ZNF16: variants seen among roughly 807,000 people sequenced by gnomAD.
The protein encoded by ZNF16 is zinc finger protein 16.
ZNF16 carries 7 observed loss-of-function variants against 9.0 expected under a neutral mutation model. The observed-to-expected ratio is 0.78, with a 90% CI of 0.44 to 1.47. ZNF16 has a LOEUF of 1.47. Ranked by LOEUF, ZNF16 falls within the 40% of genes most tolerant of loss-of-function variation. ZNF16 has a pLI of 0.01. For synonymous variants in ZNF16, 312 were observed against 301.5 expected, an observed-to-expected ratio of 1.03 and a Z score of -0.36; for missense variants, 830 against 854.2, an observed-to-expected ratio of 0.97 and a Z score of 0.35.
chr8:144,937,583 A>C (rs1368067071), intron 2 of ZNF16, among the ~76,000 whole-genome samples: 2 of 152,158 alleles, frequency 1.3e-5, no homozygotes, highest in Non-Finnish European at 2.9e-5. Context: ...ATTTACCCCT[A>C]CACTTTCTTC....
intron 2 of ZNF16, among the ~76,000 whole-genome samples, chr8:144,941,264 C>T (rs558767595): frequency 6.6e-6 from 1 of 152,076 alleles, no homozygotes; most frequent in African/African-American, 2.4e-5. Flanking sequence ...TGTGTATCTG[C>T]TTATAATTGC....
intron 2 of ZNF16, among the ~76,000 whole-genome samples, chr8:144,942,719 T>C (rs1833835099): frequency 1.3e-5 from 2 of 152,100 alleles, no homozygotes; most frequent in South Asian, 4.1e-4. Flanking sequence ...ACCCCCCTTA[T>C]GTTGTTGTCA....
intron 2 of ZNF16, among the ~76,000 whole-genome samples, chr8:144,934,714 T>C (rs759412171): frequency 2.0e-4 from 30 of 152,086 alleles, no homozygotes; most frequent in Non-Finnish European, 3.8e-4. Flanking sequence ...TGTGGAGAAG[T>C]GACCCAAGGA....
At position 144,931,293 on chromosome 8, in the gene ZNF16, G is replaced by A. The variant is rs748258433; in HGVS notation, c.1494C>T (p.Phe498=). 4.3e-6 allele frequency: 7 copies of A among 1,614,204 alleles called. 1 individual carries two copies. In the South Asian group the frequency reaches 7.7e-5, roughly 18 times the overall value. The change falls in exon 3 of 3, where the codon TTC becomes TTT. Residue 498 remains phenylalanine (F), a synonymous_variant. Transcript: ENST00000394909. ...PYRCSVCGKA[F]SHSSALIQHQ... ...GCTGAATGAGGGCTGAGCTGTGGCT[G>A]AAGGCCTTCCCACAGACACTGCATC...
intron 1 of ZNF16, among the ~76,000 whole-genome samples, chr8:144,949,490 T>C (rs911079122): frequency 6.6e-6 from 1 of 152,208 alleles, no homozygotes; most frequent in Non-Finnish European, 1.5e-5. Context: ...TGTGTCTGTG[T>C]AGAAAAGGAA....
Position 144,932,523 on chromosome 8 carries a change from T to A in ZNF16, c.264A>T (p.Ser88=), listed in dbSNP as rs369415357. ...HKEDIHEDLE[S]QAEISENYAG... is the part of the protein sequence containing the mutation. ...CATAGTTTTCTGATATTTCTGCCTG[T>A]GATTCCAAATCTTCATGAATGTCTT... Residue 88 remains serine, a synonymous_variant, in exon 3 of 3, where the codon TCA becomes TCT. Coordinates refer to ENST00000394909, the MANE Select transcript of ZNF16 (RefSeq NM_006958.3). The surrounding 1 kb of genome is among the most constrained non-coding windows in gnomAD (Gnocchi z 5.0). The A allele has an allele frequency of 1.2e-6, 2 of 1,614,244 alleles. No homozygotes were observed. Among genetic ancestry groups the A allele is most frequent in the African/African-American group, 2.7e-5 (2 of 75,058 alleles).
intron 2 of ZNF16, among the ~76,000 whole-genome samples, chr8:144,942,533 C>T (rs2130037132): frequency 6.6e-6 from 1 of 152,252 alleles, no homozygotes; most frequent in African/African-American, 2.4e-5. Flanking sequence ...GGTGATCTGC[C>T]TGCCTTGGCC....
intron 2 of ZNF16, among the ~76,000 whole-genome samples, chr8:144,939,595 CAAAAAAAAAA>C (rs58274217): frequency 3.5e-5 from 2 of 57,412 alleles, no homozygotes; most frequent in Non-Finnish European, 7.0e-5. Context: ...GACTCCGTCT[CAAAAAAAAAA>C]AAAAAAAAAA....
In ZNF16 at chr8:144,932,044, T is replaced by A; in HGVS notation, c.743A>T (p.Gln248Leu). ...ATGACGGTTTTTAAGAACTGAGTTCTGGCTGAAGGTTTTCCCACAATCATC... is the reference window on the plus strand; with the variant it reads ...ATGACGGTTTTTAAGAACTGAGTTCAGGCTGAAGGTTTTCCCACAATCATC... ...MCDDCGKTFS[Q>L]NSVLKNRHRS... Residue 248 changes from glutamine to leucine, a missense_variant, in exon 3 of 3, where the codon CAG becomes CTG. Gln to Leu is a moderately radical substitution (Grantham distance 113, BLOSUM62 -2). Transcript: ENST00000394909. This position sits in a 1 kb window ranked among gnomAD's most constrained non-coding sequence, Gnocchi z 5.0. 6.2e-7 allele frequency: 1 copy of A among 1,614,190 alleles called. No individual in the cohort carries two copies. Among genetic ancestry groups the A allele is most frequent in the Non-Finnish European group, 8.5e-7 (1 of 1,180,020 alleles).
intron 1 of ZNF16, among the ~76,000 whole-genome samples, chr8:144,947,073 C>T (rs1419852493): frequency 1.5e-4 from 19 of 123,572 alleles, no homozygotes; most frequent in African/African-American, 6.2e-4. Context: ...TGGGCCTGTA[C>T]CCTACTGTGG....
chr8:144,937,210 G>C lies in ZNF16; in HGVS notation c.197-4620C>G, dbSNP rs200916813. On this transcript the variant is annotated intron_variant, in intron 2 of 2. Transcript: ENST00000394909. Reference sequence around the variant, plus strand: ...CATCCAGGCTGGAGTACACTGGTGCGATCTTGGCTCACTGCAACCTCTGCC... The same window carrying C: ...CATCCAGGCTGGAGTACACTGGTGCCATCTTGGCTCACTGCAACCTCTGCC... Among the ~76,000 whole-genome samples, 420 of 141,218 alleles carry C rather than the reference G, an allele frequency of 3.0e-3. 8 individuals are homozygous for C. Among genetic ancestry groups the C allele is most frequent in the East Asian group, 0.015 (70 of 4,796 alleles). 92.6% of individuals were successfully genotyped at this position (141,218 alleles called of 152,430 possible).
intron 2 of ZNF16, among the ~76,000 whole-genome samples, chr8:144,943,316 G>A (rs758741847): frequency 6.6e-6 from 1 of 152,120 alleles, no homozygotes; most frequent in Non-Finnish European, 1.5e-5. Flanking sequence ...GAGACCTGGT[G>A]TGGATCTCTT....
At chr8:144,939,124 T>C (rs1833745736) in intron 2 of ZNF16, among the ~76,000 whole-genome samples, 1 of 152,222 alleles carries the variant, frequency 6.6e-6, no homozygotes, top group Non-Finnish European at 1.5e-5. Flanking sequence ...TTTCTATTTC[T>C]TTGTTGGGAG....
At position 144,931,072 on chromosome 8, in the gene ZNF16, G is replaced by A; in HGVS notation, c.1715C>T (p.Pro572Leu). 6.2e-7 allele frequency: 1 copy of A among 1,614,192 alleles called. No individual in the cohort carries two copies. The highest frequency in any genetic ancestry group is 8.5e-7 in the Non-Finnish European group (1 of 1,180,036). Residue 572 changes from proline to leucine, a missense_variant, in exon 3 of 3, where the codon CCC (proline) becomes CTC (leucine). Transcript: ENST00000394909. ...TTTACCACACTGGTTACATTCATGG[G>A]GCTTCAGCCCATTATGAATCCTCTG... ...QHQRIHNGLK[P>L]HECNQCGKAF... is the part of the protein sequence containing the mutation.
In ZNF16 at chr8:144,931,542, A is replaced by G. The variant is rs1833541099; in HGVS notation, c.1245T>C (p.Ser415=). Residue 415 remains serine (S), a synonymous_variant, in exon 3 of 3, where the codon AGT becomes AGC. Coordinates refer to ENST00000394909, the MANE Select transcript of ZNF16 (RefSeq NM_006958.3). ...GGTGCTTAATGAGGTTGGAGACCCG[A>G]CTGAAGGGCTTGCCACAATCATTAC... ...YECNDCGKPF[S]RVSNLIKHHR... 1.9e-6 allele frequency: 3 copies of G among 1,612,344 alleles called. No individual in the cohort carries two copies. Among genetic ancestry groups the G allele is most frequent in the Non-Finnish European group, 1.7e-6 (2 of 1,179,548 alleles).
chr8:144,946,394 G>A (rs554421847), intron 1 of ZNF16, among the ~76,000 whole-genome samples, 179 bp from the exon 2 acceptor site: 1 of 152,164 alleles, frequency 6.6e-6, no homozygotes, highest in Admixed American at 6.5e-5. Flanking sequence ...AAAAGAGGGA[G>A]TCAGCCATGG....
Position 144,930,934 on chromosome 8 carries a change from T to C in ZNF16, c.1853A>G (p.Gln618Arg). 6.2e-7 allele frequency: 1 copy of C among 1,613,388 alleles called. No individual in the cohort carries two copies. The highest frequency in any genetic ancestry group is 8.5e-7 in the Non-Finnish European group (1 of 1,179,652). Reference protein sequence around the residue: ...KGFSQSSHLIQHQIIHTGERP... With the variant: ...KGFSQSSHLIRHQIIHTGERP... The stretch of plus-strand genomic sequence containing the variant: ...CTCGCCCGTGTGGATTATCTGATGC[T>C]GAATGAGGTGTGAGCTCTGGCTGAA... The change falls in exon 3 of 3, where the codon CAG (glutamine) becomes CGG (arginine). Residue 618 changes from glutamine (Q) to arginine (R), a missense_variant. Physicochemically the swap from Gln to Arg is conservative, Grantham distance 43 (BLOSUM62 1). Transcript: ENST00000394909.
chr8:144,946,867 T>TTGTGTCCTGCTGTGGGGCC (rs1833960560), intron 1 of ZNF16, among the ~76,000 whole-genome samples: 1 of 59,452 alleles, frequency 1.7e-5, no homozygotes, highest in Non-Finnish European at 3.2e-5. Context: ...GCTGTTGGGC[T>TTGTGTCCTGCTGTGGGGCC]TGTGTCCTGC....
In ZNF16 at chr8:144,931,911, A is replaced by T; in HGVS notation, c.876T>A (p.Pro292=). The change falls in exon 3 of 3, where the codon CCT becomes CCA. Residue 292 remains proline, a synonymous_variant. Transcript: ENST00000394909. Reference sequence around the variant, plus strand: ...CTTTTCCACATTCATTACACATATAAGGCCTCTCACTGCTGTGGTGACTCT... The same window carrying T: ...CTTTTCCACATTCATTACACATATATGGCCTCTCACTGCTGTGGTGACTCT... ...RHQSHHSSER[P]YMCNECGKAF... 1 of 1,614,124 alleles carries T rather than the reference A, an allele frequency of 6.2e-7. No homozygotes were observed. Among genetic ancestry groups the T allele is most frequent in the African/African-American group, 1.3e-5 (1 of 75,032 alleles).
Sources: allele counts gnomAD v4.1 joint callset (sites outside exome capture counted in the v4.1 genomes callset), GRCh38; gene constraint gnomAD v4.1.1; non-coding constraint Gnocchi (gnomAD v3.1); transcripts MANE v1.5; gene names NCBI Gene and HGNC (gene_info 2026-07-23, HGNC 2026-07-21).